JMJD1C: variants seen among roughly 807,000 people sequenced by gnomAD.
JMJD1C encodes the protein jumonji domain-containing protein 1C.
A neutral mutation model predicts 245.3 loss-of-function variants in JMJD1C; 31 were observed. That is an observed-to-expected ratio of 0.13 (90% confidence interval 0.09 to 0.17). The LOEUF is 0.17. Ranked by LOEUF, JMJD1C falls within the 10% of genes least tolerant of loss-of-function variation. JMJD1C has a pLI of 1.00. For missense variants in JMJD1C, 2,691 were observed against 3,000.2 expected (o/e 0.90, Z 2.41); for synonymous variants, 1,057 against 1,017.4 (o/e 1.04, Z -0.74).
intron 1 of JMJD1C, among the ~76,000 whole-genome samples, chr10:63,499,794 C>G (rs1265283746): frequency 6.6e-6 from 1 of 152,078 alleles, no homozygotes; most frequent in Non-Finnish European, 1.5e-5. Flanking sequence ...ATTTAAAAAG[C>G]AAATTTATAA....
intron 3 of JMJD1C, among the ~76,000 whole-genome samples, chr10:63,221,726 G>GT (rs1007309205): frequency 1.2e-4 from 19 of 152,212 alleles, no homozygotes; most frequent in African/African-American, 4.1e-4. Flanking sequence ...GAAACTTTTT[G>GT]TTTTTGTTTT....
upstream of JMJD1C, among the ~76,000 whole-genome samples, chr10:63,470,901 G>A (rs534867194): frequency 6.6e-4 from 101 of 152,142 alleles, no homozygotes; most frequent in African/African-American, 2.4e-3. Context: ...TTAAAAACAA[G>A]GTTGATTTTT....
intron 1 of JMJD1C, among the ~76,000 whole-genome samples, chr10:63,500,788 G>GATGGATGGATGGATGGATGCACGGATGC (rs2133248855): frequency 6.6e-6 from 1 of 151,568 alleles, no homozygotes; most frequent in South Asian, 2.1e-4. Flanking sequence ...TGGATGGATG[G>GATGGATGGATGGATGGATGCACGGATGC]ATGGATGCAC....
At chr10:63,338,268 G>A (rs1307803877) in intron 2 of JMJD1C, among the ~76,000 whole-genome samples, 1 of 152,078 alleles carries the variant, frequency 6.6e-6, no homozygotes, top group Non-Finnish European at 1.5e-5. Flanking sequence ...CCAAGTAGCT[G>A]GGACTACAAA....
intron 2 of JMJD1C, among the ~76,000 whole-genome samples, chr10:63,330,224 T>A (rs1353924624): frequency 6.6e-6 from 1 of 152,198 alleles, no homozygotes; most frequent in Non-Finnish European, 1.5e-5. Flanking sequence ...AAAGGTAGGC[T>A]ACACTAAGCT....
intron 1 of JMJD1C, among the ~76,000 whole-genome samples, chr10:63,501,227 C>A (rs1192469780): frequency 6.6e-6 from 1 of 152,044 alleles, no homozygotes; most frequent in South Asian, 2.1e-4. Context: ...ATAGAGTTTA[C>A]AATACTTTAG....
intron 2 of JMJD1C, among the ~76,000 whole-genome samples, chr10:63,361,249 C>G (rs1369802131): frequency 1.3e-5 from 2 of 152,088 alleles, no homozygotes; most frequent in African/African-American, 4.8e-5. Context: ...ATGGCGAAAC[C>G]CTGTCTCTAC....
chr10:63,404,537 A>G (rs1057078174), intron 1 of JMJD1C, among the ~76,000 whole-genome samples: 4 of 152,178 alleles, frequency 2.6e-5, no homozygotes, highest in Admixed American at 6.5e-5. Context: ...ACGTGCTAGC[A>G]TACCCAGTAA....
chr10:63,324,481 T>A (rs768293047), intron 2 of JMJD1C, among the ~76,000 whole-genome samples: 1 of 152,158 alleles, frequency 6.6e-6, no homozygotes, highest in Admixed American at 6.5e-5. Flanking sequence ...TTTATACACA[T>A]CAAACAATAC....
chr10:63,177,377 T>C lies in JMJD1C; in HGVS notation c.7224+340A>G, dbSNP rs10995456. The C allele has an allele frequency of 1.6e-3, 417 of 268,568 alleles. 2 individuals carry two copies. The highest frequency in any genetic ancestry group is 2.3e-3 in the Non-Finnish European group (325 of 140,624). The allele number at this position is 268,568 out of a possible 1,614,324, so 16.6% of individuals were successfully genotyped here. On this transcript the variant is annotated intron_variant, in intron 23 of 25. Transcript: ENST00000399262. ...ATAAAGATCCTACCTTCTTTAGACG[T>C]TTCCATGAAATATTTGTTTTTACAT...
chr10:63,512,744 G>A (rs1433107948), intron 1 of JMJD1C, among the ~76,000 whole-genome samples: 1 of 152,044 alleles, frequency 6.6e-6, no homozygotes, highest in Non-Finnish European at 1.5e-5. Context: ...CACTCATTTG[G>A]GGGAATTCTC....
At chr10:63,366,598 G>A (rs1040199767) in intron 2 of JMJD1C, among the ~76,000 whole-genome samples, 2 of 152,200 alleles carry the variant, frequency 1.3e-5, no homozygotes, top group African/African-American at 2.4e-5. Context: ...GAGAAAGAAT[G>A]AGGGATGACA....
chr10:63,356,284 T>C (rs931117783), intron 2 of JMJD1C, among the ~76,000 whole-genome samples: 2 of 152,232 alleles, frequency 1.3e-5, no homozygotes. Context: ...AGATATTTTC[T>C]GGCATTACTC....
At chr10:63,379,655 A>T (rs1359841583) in intron 2 of JMJD1C, among the ~76,000 whole-genome samples, 1 of 152,224 alleles carries the variant, frequency 6.6e-6, no homozygotes, top group Non-Finnish European at 1.5e-5. Flanking sequence ...TCTCCCACTT[A>T]ACAAAGTTTC....
At chr10:63,332,254 G>A (rs533943768) in intron 2 of JMJD1C, among the ~76,000 whole-genome samples, 1 of 152,274 alleles carries the variant, frequency 6.6e-6, no homozygotes, top group South Asian at 2.1e-4. Context: ...GTAAGAAAAA[G>A]GTTCAGCTGG....
intron 1 of JMJD1C, among the ~76,000 whole-genome samples, chr10:63,505,473 A>G: frequency 6.6e-6 from 1 of 152,096 alleles, no homozygotes; most frequent in East Asian, 1.9e-4. Context: ...ATGGACAAGT[A>G]TTTTCAGGGT....
intron 2 of JMJD1C, among the ~76,000 whole-genome samples, chr10:63,343,044 G>A (rs1943510195): frequency 6.6e-6 from 1 of 152,050 alleles, no homozygotes; most frequent in Non-Finnish European, 1.5e-5. Context: ...TTGTGGATAA[G>A]GATACTCAAC....
intron 17 of JMJD1C, among the ~76,000 whole-genome samples, chr10:63,189,863 A>AC (rs368568965): frequency 1.8e-3 from 271 of 148,658 alleles, no homozygotes; most frequent in African/African-American, 6.1e-3. Context: ...GGCATGATTG[A>AC]CCCCCCAATA....
At chr10:63,379,680 T>C (rs1370743264) in intron 2 of JMJD1C, among the ~76,000 whole-genome samples, 1 of 152,190 alleles carries the variant, frequency 6.6e-6, no homozygotes, top group African/African-American at 2.4e-5. Context: ...AGCAAAGTTG[T>C]TCCACGTGGC....
Sources: gnomAD v4.1 joint callset for allele counts (sites outside exome capture counted in the v4.1 genomes callset) on GRCh38, gnomAD v4.1.1 for gene constraint, MANE v1.5 for transcripts, NCBI Gene and HGNC (gene_info 2026-07-23, HGNC 2026-07-21) for gene names.